Variants in GLIS3 observed in about 807,000 individuals in gnomAD.
The protein encoded by GLIS3 is GLIS family zinc finger 3, also known as zinc finger protein GLIS3.
Under a neutral mutation model 78.6 loss-of-function variants are expected in GLIS3, and 53 were observed. The observed-to-expected ratio is 0.67, with a 90% CI of 0.54 to 0.85. GLIS3 has a LOEUF of 0.85. GLIS3 is among the 40% of genes least tolerant of loss of function. The probability of loss-of-function intolerance (pLI) is 0.00; values close to 1 mark genes in which losing one functional copy is unlikely to be tolerated. For missense variants in GLIS3, 1,703 were observed against 1,231.1 expected (o/e 1.38, Z -5.74); for synonymous variants, 684 against 509.9 (o/e 1.34, Z -4.60).
chr9:4,350,773 G>T (rs953699691), upstream of GLIS3, among the ~76,000 whole-genome samples: 1 of 100,778 alleles, frequency 9.9e-6, no homozygotes, highest in South Asian at 3.5e-4. Context: ...AAATGCCTTG[G>T]GGTAAAAAAC....
At chr9:4,192,371 A>G (rs1369078641) in intron 2 of GLIS3, among the ~76,000 whole-genome samples, 1 of 152,234 alleles carries the variant, frequency 6.6e-6, no homozygotes, top group South Asian at 2.1e-4. Context: ...TGATGCCTCA[A>G]ATAATATTTT....
intron 2 of GLIS3, among the ~76,000 whole-genome samples, chr9:4,247,965 G>A (rs1214875894): frequency 6.6e-6 from 1 of 152,082 alleles, no homozygotes. Flanking sequence ...CAGTCATCCT[G>A]CTGTGCAGTA....
chr9:3,877,939 CAG>C (rs1283547217), intron 8 of GLIS3, among the ~76,000 whole-genome samples: 1 of 152,158 alleles, frequency 6.6e-6, no homozygotes, highest in Non-Finnish European at 1.5e-5. Flanking sequence ...TCACTCCTAG[CAG>C]GATAAGGGGC....
intron 2 of GLIS3, among the ~76,000 whole-genome samples, chr9:4,281,982 T>C (rs1369914601): frequency 6.6e-6 from 1 of 152,206 alleles, no homozygotes; most frequent in Non-Finnish European, 1.5e-5. Flanking sequence ...TTAAAGCCAC[T>C]GTTATTTGAG....
At chr9:4,372,609 A>T in the GLIS3 span, among the ~76,000 whole-genome samples, 1 of 152,008 alleles carries the variant, frequency 6.6e-6, no homozygotes, top group Non-Finnish European at 1.5e-5. Context: ...TAACTTAAGG[A>T]ATTTGCGTCA....
intron 4 of GLIS3, among the ~76,000 whole-genome samples, chr9:4,024,223 T>C (rs1234597679): frequency 6.6e-6 from 1 of 152,136 alleles, no homozygotes; most frequent in African/African-American, 2.4e-5. Flanking sequence ...AGACCGAGAC[T>C]GTACAGTGAA....
intron 4 of GLIS3, among the ~76,000 whole-genome samples, chr9:4,081,694 G>C (rs1229067216): frequency 1.3e-5 from 2 of 152,134 alleles, no homozygotes; most frequent in Non-Finnish European, 2.9e-5. Flanking sequence ...TCCCCAACTA[G>C]ACTATAAACT....
intron 2 of GLIS3, among the ~76,000 whole-genome samples, chr9:4,184,600 G>A (rs1438005382): frequency 1.3e-5 from 2 of 152,230 alleles, no homozygotes; most frequent in Admixed American, 1.3e-4. Context: ...TTAAAAGAGA[G>A]AGAGGAGAAA....
intron 2 of GLIS3, among the ~76,000 whole-genome samples, chr9:4,335,979 AG>A (rs1478959845): frequency 6.6e-6 from 1 of 152,220 alleles, no homozygotes; most frequent in African/African-American, 2.4e-5. Flanking sequence ...TGAAGAAGAA[AG>A]GGCAGGGAGC....
At chr9:3,835,313 A>G (rs1306625189) in intron 9 of GLIS3, among the ~76,000 whole-genome samples, 3 of 152,174 alleles carry the variant, frequency 2.0e-5, no homozygotes, top group Non-Finnish European at 4.4e-5. Context: ...GAAGGTCCAC[A>G]TATGACAATA....
intron 2 of GLIS3, among the ~76,000 whole-genome samples, chr9:4,279,312 A>T (rs58160383): frequency 0.06 from 5,057 of 84,262 alleles, 583 homozygotes; most frequent in African/African-American, 0.23. Flanking sequence ...AAAAAAAAAA[A>T]AAATATATAT....
At chr9:4,487,101 G>C in the GLIS3 span, among the ~76,000 whole-genome samples, 1 of 152,144 alleles carries the variant, frequency 6.6e-6, no homozygotes, top group Non-Finnish European at 1.5e-5. Flanking sequence ...CTGGGTTCAA[G>C]CGATTCTCCT....
At chr9:4,239,210 T>C (rs1823062581) in intron 2 of GLIS3, among the ~76,000 whole-genome samples, 1 of 148,930 alleles carries the variant, frequency 6.7e-6, no homozygotes, top group Non-Finnish European at 1.5e-5. Flanking sequence ...GAGATATACC[T>C]AATGCTAAAT....
At chr9:4,374,443 G>C in the GLIS3 span, among the ~76,000 whole-genome samples, 49 of 152,352 alleles carry the variant, frequency 3.2e-4, no homozygotes, top group Non-Finnish European at 4.6e-4. Flanking sequence ...GTCTAATATG[G>C]ATAGGATTTC....
intron 9 of GLIS3, 140 bp downstream of exon 9, chr9:3,855,869 T>G: frequency 1.1e-6 from 1 of 921,168 alleles, no homozygotes; most frequent in Non-Finnish European, 1.8e-6. Context: ...CTATCAAGTG[T>G]GAAATTTTAG....
intron 4 of GLIS3, among the ~76,000 whole-genome samples, chr9:3,997,494 A>T (rs1394725960): frequency 4.6e-5 from 7 of 152,124 alleles, no homozygotes. Context: ...ATTTTATGCG[A>T]TCCTCACTCA....
At chr9:3,999,929 G>A (rs60631976) in intron 4 of GLIS3, among the ~76,000 whole-genome samples, 107 of 152,120 alleles carry the variant, frequency 7.0e-4, no homozygotes, top group African/African-American at 2.4e-3. Context: ...AAGAATAGGG[G>A]TCCCATAAAC....
At chr9:4,270,416 T>G (rs1157272599) in intron 2 of GLIS3, among the ~76,000 whole-genome samples, 2 of 152,314 alleles carry the variant, frequency 1.3e-5, no homozygotes, top group East Asian at 1.9e-4. Flanking sequence ...ATGGCTTAGG[T>G]GGGTCCTCTG....
chr9:4,471,449 C>T, the GLIS3 span, among the ~76,000 whole-genome samples: 1 of 152,068 alleles, frequency 6.6e-6, no homozygotes, highest in Admixed American at 6.5e-5. Flanking sequence ...AGAAATAATA[C>T]CACACATCTA....
Sources: gnomAD v4.1 joint callset for allele counts (sites outside exome capture counted in the v4.1 genomes callset) on GRCh38, gnomAD v4.1.1 for gene constraint, MANE v1.5 for transcripts, NCBI Gene and HGNC (gene_info 2026-07-23, HGNC 2026-07-21) for gene names.